NCK2: variants seen among roughly 807,000 people sequenced by gnomAD.
NCK2 encodes NCK adaptor protein 2.
In NCK2, 16 loss-of-function variants were observed where a neutral mutation model predicts 33.9. The observed-to-expected ratio is 0.47, with a 90% confidence interval of 0.32 to 0.72. NCK2 has a LOEUF of 0.72. Among genes scored for constraint, NCK2 ranks in the 30% least tolerant of loss-of-function variants. NCK2 has a pLI of 0.03. For missense variants in NCK2, 418 were observed against 537.3 expected (o/e 0.78, Z 2.19); for synonymous variants, 273 against 239.9 (o/e 1.14, Z -1.27).
rs114725966 is a variant in NCK2 at position 105,817,194 on chromosome 2, A to T, written c.-17+581A>T. 5.9e-3 allele frequency among the ~76,000 whole-genome samples: 791 copies of T among 133,340 alleles called. 12 individuals carry two copies. Among genetic ancestry groups the T allele is most frequent in the African/African-American group, 0.021 (751 of 36,246 alleles). The allele number at this position is 133,340 out of a possible 152,430, so 87.5% of individuals were successfully genotyped here. A position where few individuals can be genotyped will look rare whatever the true frequency, so the allele number is the denominator to read the frequency against. ...TGGTCTCAAAAAAAAAAAAAAACCT[A>T]CATCAAATGAGATGCAGACAGATGA... On this transcript the variant is annotated intron_variant, in intron 2 of 4. Coordinates refer to ENST00000233154, the MANE Select transcript of NCK2 (RefSeq NM_003581.5).
intron 1 of NCK2, chr2:105,745,861 C>T (rs995173867): frequency 1.3e-5 from 2 of 152,154 alleles, no homozygotes; most frequent in African/African-American, 4.8e-5. Flanking sequence ...GATTTAATCA[C>T]CGAGTGCTTT....
chr2:105,811,689 A>G (rs1476361063), intron 1 of NCK2, among the ~76,000 whole-genome samples: 1 of 152,088 alleles, frequency 6.6e-6, no homozygotes, highest in African/African-American at 2.4e-5. Flanking sequence ...ATGCTACATG[A>G]ATTGCATGAT....
chr2:105,811,884 T>C (rs1675305784), intron 1 of NCK2, among the ~76,000 whole-genome samples: 1 of 152,154 alleles, frequency 6.6e-6, no homozygotes, highest in African/African-American at 2.4e-5. Flanking sequence ...TATTTCCTTC[T>C]TTTCTCAGTT....
intron 1 of NCK2, among the ~76,000 whole-genome samples, chr2:105,782,185 G>A (rs1690521523): frequency 6.6e-6 from 1 of 152,194 alleles, no homozygotes; most frequent in Non-Finnish European, 1.5e-5. Context: ...TCTCTTTATA[G>A]GAGTAAGGGG....
intron 1 of NCK2, among the ~76,000 whole-genome samples, chr2:105,788,671 TAG>T (rs1465948197): frequency 3.3e-5 from 5 of 152,226 alleles, no homozygotes; most frequent in African/African-American, 1.2e-4. Context: ...TGCCTTCTCC[TAG>T]AGTTTTCTAT....
chr2:105,830,817 T>A (rs1484423191), intron 2 of NCK2, among the ~76,000 whole-genome samples: 1 of 152,084 alleles, frequency 6.6e-6, no homozygotes, highest in African/African-American at 2.4e-5. Context: ...TTTGCTATAC[T>A]TATTGGCCAT....
chr2:105,858,628 G>C (rs776673280), intron 3 of NCK2, among the ~76,000 whole-genome samples: 2 of 152,104 alleles, frequency 1.3e-5, no homozygotes, highest in Non-Finnish European at 2.9e-5. Context: ...GTTGTGTATT[G>C]CATCTCCAAC....
At position 105,788,006 on chromosome 2, in the gene NCK2, C is replaced by G. The variant is rs559658361; in HGVS notation, c.-200-28424C>G. Among the ~76,000 whole-genome samples, 265 of 151,256 alleles carry G rather than the reference C, an allele frequency of 1.8e-3. 1 individual carries two copies. The highest frequency in any genetic ancestry group is 6.0e-3 in the African/African-American group (247 of 41,226). ...CACGTGCCACCAGCCAAGGACAAAT[C>G]AGAGTTGGGATGTGTCTCCTTCCAA... On this transcript the variant is annotated intron_variant, in intron 1 of 4. Coordinates refer to ENST00000233154, the MANE Select transcript of NCK2 (RefSeq NM_003581.5).
chr2:105,849,759 C>A (rs146018354), intron 2 of NCK2, among the ~76,000 whole-genome samples: 2 of 152,276 alleles, frequency 1.3e-5, no homozygotes, highest in Admixed American at 6.5e-5. Flanking sequence ...CTGCAAGGAA[C>A]CTGGTGCTTA....
At position 105,844,597 on chromosome 2, in the gene NCK2, G is replaced by A. The variant is rs533108585; in HGVS notation, c.-16-10451G>A. Among the ~76,000 whole-genome samples, 346 of 150,076 alleles carry A rather than the reference G, an allele frequency of 2.3e-3. 2 individuals are homozygous for A. The highest frequency in any genetic ancestry group is 8.0e-3 in the African/African-American group (327 of 41,058). On this transcript the variant is annotated intron_variant, in intron 2 of 4. Coordinates refer to ENST00000233154, the MANE Select transcript of NCK2 (RefSeq NM_003581.5). The stretch of plus-strand genomic sequence containing the variant: ...AACAAAAAAAAAAAAAAACAGCTGG[G>A]CATGGAGGCTCTTACCTGTAATTGC...
At chr2:105,747,878 A>G (rs1689338146) in intron 1 of NCK2, among the ~76,000 whole-genome samples, 1 of 152,250 alleles carries the variant, frequency 6.6e-6, no homozygotes, top group East Asian at 1.9e-4. Flanking sequence ...TTAACGGGCT[A>G]TCAAAAGTGT....
chr2:105,830,560 A>C (rs1189198636), intron 2 of NCK2, among the ~76,000 whole-genome samples: 1 of 147,968 alleles, frequency 6.8e-6, no homozygotes, highest in Non-Finnish European at 1.5e-5. Context: ...TGTCACATCA[A>C]TATACTCATT....
chr2:105,832,616 T>C (rs1676239638), intron 2 of NCK2, among the ~76,000 whole-genome samples: 2 of 152,250 alleles, frequency 1.3e-5, no homozygotes, highest in African/African-American at 4.8e-5. Context: ...TTTGCATTTG[T>C]TGACCACATC....
In NCK2 at chr2:105,801,085, G is replaced by A. The variant is rs116627306; in HGVS notation, c.-200-15345G>A. 8.5e-3 allele frequency among the ~76,000 whole-genome samples: 1,299 copies of A among 152,342 alleles called. 24 individuals carry two copies. Among genetic ancestry groups the A allele is most frequent in the African/African-American group, 0.029 (1,226 of 41,572 alleles). ...GGTGAAAGCTGGGCGTGCTGAGCCC[G>A]TCAGCATTTGTTCTCTTTGATGCAG... On this transcript the variant is annotated intron_variant, in intron 1 of 4. Transcript: ENST00000233154.
At chr2:105,798,969 C>T (rs1352193659) in intron 1 of NCK2, among the ~76,000 whole-genome samples, 1 of 152,100 alleles carries the variant, frequency 6.6e-6, no homozygotes. Flanking sequence ...ATCTTAGTAT[C>T]ATTTTAGTGA....
intron 2 of NCK2, among the ~76,000 whole-genome samples, chr2:105,837,433 G>A (rs1166040683): frequency 6.6e-6 from 1 of 152,164 alleles, no homozygotes; most frequent in Middle Eastern, 3.2e-3. Context: ...GTGTGATTGT[G>A]TGGGGAGTGG....
intron 1 of NCK2, among the ~76,000 whole-genome samples, chr2:105,801,225 T>C (rs1360092030): frequency 1.3e-5 from 2 of 152,054 alleles, no homozygotes; most frequent in Non-Finnish European, 2.9e-5. Flanking sequence ...CCAACCCTGC[T>C]CACTGGCTAG....
At chr2:105,758,469 C>T (rs1047345260) in intron 1 of NCK2, among the ~76,000 whole-genome samples, 5 of 144,428 alleles carry the variant, frequency 3.5e-5, no homozygotes, top group Non-Finnish European at 6.0e-5. Context: ...GGAGTGCAGT[C>T]GCTTGATCTC....
chr2:105,878,487 G>GT (rs1446218813), intron 3 of NCK2, among the ~76,000 whole-genome samples: 2 of 152,240 alleles, frequency 1.3e-5, no homozygotes, highest in Non-Finnish European at 2.9e-5. Context: ...GGAAGACCAT[G>GT]TGAAGACACA....
Sources: allele counts gnomAD v4.1 joint callset (sites outside exome capture counted in the v4.1 genomes callset), GRCh38; gene constraint gnomAD v4.1.1; transcripts MANE v1.5; gene names NCBI Gene and HGNC (gene_info 2026-07-23, HGNC 2026-07-21).